Variants in TMEM132D observed in about 807,000 individuals in gnomAD.
TMEM132D encodes the protein mature OL transmembrane protein.
In TMEM132D, 21 loss-of-function variants were observed where a neutral mutation model predicts 62.3. The ratio of observed to expected loss-of-function variants is 0.34; its 90% CI spans 0.24 to 0.49. TMEM132D has a LOEUF of 0.49. Among genes scored for constraint, TMEM132D ranks in the 20% least tolerant of loss-of-function variants. TMEM132D has a pLI of 0.99. For synonymous variants in TMEM132D, 621 were observed against 575.6 expected, an observed-to-expected ratio of 1.08 and a Z score of -1.13; for missense variants, 1,346 against 1,402.8, an observed-to-expected ratio of 0.96 and a Z score of 0.65.
chr12:129,089,443 C>T lies in TMEM132D; in HGVS notation c.1444-4741G>A, dbSNP rs749317964. On this transcript the variant is annotated intron_variant, in intron 5 of 8. Transcript: ENST00000422113. ...CCATGACCGGGGTGTCCTCCATGAC[C>T]GGGGTGTCCTCTATGACCGGGTGTC... is the stretch of plus-strand genomic sequence containing the variant. 4.0e-5 allele frequency among the ~76,000 whole-genome samples: 2 copies of T among 49,848 alleles called. 1 individual carries two copies. Among genetic ancestry groups the T allele is most frequent in the Non-Finnish European group, 7.5e-5 (2 of 26,746 alleles). 32.7% of individuals were successfully genotyped at this position (49,848 alleles called of 152,430 possible).
chr12:129,673,899 G>C (rs1207960931), intron 2 of TMEM132D, among the ~76,000 whole-genome samples: 5 of 152,144 alleles, frequency 3.3e-5, no homozygotes, highest in African/African-American at 9.7e-5. Context: ...TCTGTGAAAA[G>C]TGGGTTTTGC....
At chr12:129,797,374 A>T (rs1280178318) in intron 1 of TMEM132D, among the ~76,000 whole-genome samples, 1 of 152,206 alleles carries the variant, frequency 6.6e-6, no homozygotes, top group Non-Finnish European at 1.5e-5. Context: ...GTTGCAAACG[A>T]TACAACATAT....
chr12:129,084,861 G>T, intron 5 of TMEM132D, 159 bp from the exon 6 acceptor site: 1 of 632,838 alleles, frequency 1.6e-6, no homozygotes, highest in Non-Finnish European at 2.7e-6. Flanking sequence ...CAGACATTGG[G>T]TGTTGCTTTT....
chr12:129,421,128 A>C (rs942991623), intron 3 of TMEM132D, among the ~76,000 whole-genome samples: 16 of 151,264 alleles, frequency 1.1e-4, no homozygotes, highest in Admixed American at 2.0e-4. Context: ...CACCCAGCGA[A>C]TTTTCATATT....
chr12:129,728,141 C>T (rs965153278), intron 1 of TMEM132D, among the ~76,000 whole-genome samples: 17 of 152,310 alleles, frequency 1.1e-4, no homozygotes, highest in African/African-American at 4.1e-4. Flanking sequence ...AGGAGGGTCC[C>T]TCAAGAATGT....
intron 1 of TMEM132D, among the ~76,000 whole-genome samples, chr12:129,798,684 G>C (rs1405141114): frequency 6.6e-6 from 1 of 151,026 alleles, no homozygotes; most frequent in Non-Finnish European, 1.5e-5. Context: ...GGGAGGGAAT[G>C]AATGTGCAGA....
chr12:129,398,151 T>G (rs969127251), intron 3 of TMEM132D, among the ~76,000 whole-genome samples: 4 of 152,206 alleles, frequency 2.6e-5, no homozygotes, highest in African/African-American at 9.6e-5. Flanking sequence ...CTGACACTTT[T>G]GGCTGCAAGT....
In TMEM132D at chr12:129,610,293, A is replaced by AG. The variant is rs1193978251; in HGVS notation, c.969-79089_969-79088insC. On this transcript the variant is annotated intron_variant, in intron 2 of 8. Transcript: ENST00000422113. ...GCTCTGTCTCAAAAAAAAAAAAAAA[A>AG]AGAGAGACAGAGAGAGAGGGAAAAG... Among the ~76,000 whole-genome samples, 9 of 149,734 alleles carry AG rather than the reference A, an allele frequency of 6.0e-5. No individual in the cohort carries two copies. The East Asian group carries it at 1.6e-3, about 27-fold the overall frequency.
At chr12:129,107,581 C>T (rs1201766099) in intron 5 of TMEM132D, among the ~76,000 whole-genome samples, 4 of 152,132 alleles carry the variant, frequency 2.6e-5, no homozygotes, top group Non-Finnish European at 5.9e-5. Context: ...CCCTGATTAA[C>T]CCTGAGTTTA....
At chr12:129,770,349 G>A (rs1565979787) in intron 1 of TMEM132D, among the ~76,000 whole-genome samples, 1 of 151,860 alleles carries the variant, frequency 6.6e-6, no homozygotes, top group Non-Finnish European at 1.5e-5. Context: ...TCACCGTGTT[G>A]GCCAGGCTGA....
At position 129,708,633 on chromosome 12, in the gene TMEM132D, ACACAC is replaced by A. The variant is rs1881564128; in HGVS notation, c.80-7940_80-7936del. ...GGTAAAAAAAAAAAAAAAAAAAAAC[ACACAC>A]ACACACACACACACACACAGTGCAC... On this transcript the variant is annotated intron_variant, in intron 1 of 8. Transcript: ENST00000422113. 1.1e-4 allele frequency among the ~76,000 whole-genome samples: 10 copies of A among 87,088 alleles called. No homozygotes were observed. In the South Asian group the frequency reaches 2.7e-3, roughly 24 times the overall value. The allele number at this position is 87,088 out of a possible 152,430, so 57.1% of individuals were successfully genotyped here. A position where few individuals can be genotyped will look rare whatever the true frequency, so the allele number is the denominator to read the frequency against.
chr12:129,459,199 A>G (rs1358244074), intron 3 of TMEM132D, among the ~76,000 whole-genome samples: 3 of 152,306 alleles, frequency 2.0e-5, no homozygotes, highest in Non-Finnish European at 4.4e-5. Context: ...AAATGAGGGC[A>G]GAGTGAGGCC....
At chr12:129,780,339 A>T (rs866208560) in intron 1 of TMEM132D, among the ~76,000 whole-genome samples, 2 of 145,338 alleles carry the variant, frequency 1.4e-5, no homozygotes, top group Admixed American at 6.7e-5. Flanking sequence ...GTTGGTGGGG[A>T]GGGGGGGGGC....
intron 5 of TMEM132D, among the ~76,000 whole-genome samples, chr12:129,137,197 C>A (rs897238712): frequency 3.3e-5 from 5 of 151,544 alleles, no homozygotes; most frequent in African/African-American, 1.2e-4. Flanking sequence ...TCACAATCAC[C>A]ATCATCATCA....
At chr12:129,735,747 T>C (rs894576935) in intron 1 of TMEM132D, among the ~76,000 whole-genome samples, 22 of 152,190 alleles carry the variant, frequency 1.4e-4, no homozygotes, top group Non-Finnish European at 2.6e-4. Flanking sequence ...ATAACAGTAA[T>C]CTTTGAAAAC....
chr12:129,101,409 G>A (rs1441121630), intron 5 of TMEM132D, among the ~76,000 whole-genome samples: 1 of 152,138 alleles, frequency 6.6e-6, no homozygotes, highest in African/African-American at 2.4e-5. Context: ...CAGCTCAGTG[G>A]TCTCCAGTTA....
chr12:129,214,251 C>G (rs534466912), intron 4 of TMEM132D, among the ~76,000 whole-genome samples: 19 of 144,696 alleles, frequency 1.3e-4, no homozygotes, highest in Non-Finnish European at 2.4e-4. Context: ...TGGATTGGAA[C>G]CAGAATTAGA....
chr12:129,828,790 G>A (rs1345241123), intron 1 of TMEM132D, among the ~76,000 whole-genome samples: 1 of 131,864 alleles, frequency 7.6e-6, no homozygotes. Flanking sequence ...AAAGGAGGGA[G>A]GGAGGGAGGG....
chr12:129,895,214 C>A lies in TMEM132D; in HGVS notation c.79+8047G>T, dbSNP rs569984615. Among the ~76,000 whole-genome samples the A allele has an allele frequency of 1.8e-4, 28 of 152,322 alleles. 1 individual carries two copies. In the South Asian group the frequency reaches 4.8e-3, roughly 26 times the overall value. Reference sequence around the variant, plus strand: ...CGTCACCGTTGTGTGGACAACAGTGCTGGGGTGAGCGCTAATCCCAGTGCC... The same window carrying A: ...CGTCACCGTTGTGTGGACAACAGTGATGGGGTGAGCGCTAATCCCAGTGCC... On this transcript the variant is annotated intron_variant, in intron 1 of 8. Transcript: ENST00000422113.
Sources: allele counts gnomAD v4.1 joint callset (sites outside exome capture counted in the v4.1 genomes callset), GRCh38; gene constraint gnomAD v4.1.1; transcripts MANE v1.5; gene names NCBI Gene and HGNC (gene_info 2026-07-23, HGNC 2026-07-21).